Variants in ALK observed in about 807,000 individuals in gnomAD.
The protein encoded by ALK is ALK tyrosine kinase receptor.
A neutral mutation model predicts 163.1 loss-of-function variants in ALK; 74 were observed. The ratio of observed to expected loss-of-function variants is 0.45; its 90% CI spans 0.38 to 0.55. The LOEUF (loss-of-function observed/expected upper bound fraction) is 0.55, where lower values mean the gene tolerates loss of function less well. ALK is among the 20% of genes least tolerant of loss of function. The probability of loss-of-function intolerance (pLI) is 0.00; values close to 1 mark genes in which losing one functional copy is unlikely to be tolerated. For missense variants in ALK, 2,063 were observed against 2,105.3 expected (o/e 0.98, Z 0.39); for synonymous variants, 960 against 843.2 (o/e 1.14, Z -2.40).
chr2:29,211,845 C>A (rs2148157261), intron 24 of ALK, among the ~76,000 whole-genome samples: 1 of 152,290 alleles, frequency 6.6e-6, no homozygotes, highest in Admixed American at 6.5e-5. Context: ...TGGTGTTTGA[C>A]AATTTAATTT....
At chr2:29,826,173 C>T (rs1665193099) in intron 1 of ALK, among the ~76,000 whole-genome samples, 1 of 152,136 alleles carries the variant, frequency 6.6e-6, no homozygotes. Flanking sequence ...GACACATAGA[C>T]CTGAGTTCTG....
chr2:29,347,864 G>C (rs980475651), intron 5 of ALK, among the ~76,000 whole-genome samples: 1 of 152,196 alleles, frequency 6.6e-6, no homozygotes, highest in Non-Finnish European at 1.5e-5. Context: ...ATGCATCAAA[G>C]TCATGCTTCT....
At chr2:29,435,038 C>T (rs1375573427) in intron 4 of ALK, among the ~76,000 whole-genome samples, 1 of 152,184 alleles carries the variant, frequency 6.6e-6, no homozygotes, top group Non-Finnish European at 1.5e-5. Flanking sequence ...TAGGTCAGGG[C>T]TGTTCATGAA....
chr2:29,687,447 T>C (rs1437844669), intron 3 of ALK, among the ~76,000 whole-genome samples: 1 of 151,970 alleles, frequency 6.6e-6, no homozygotes. Flanking sequence ...ACTGTGGTTG[T>C]GGCACAAAAT....
At chr2:29,584,188 A>C (rs1447544503) in intron 3 of ALK, among the ~76,000 whole-genome samples, 1 of 152,166 alleles carries the variant, frequency 6.6e-6, no homozygotes, top group Non-Finnish European at 1.5e-5. Context: ...TCTTTGAGTT[A>C]AATCTAGCAA....
At position 29,632,230 on chromosome 2, in the gene ALK, G is replaced by A. The variant is rs57569039; in HGVS notation, c.952+62620C>T. Among the ~76,000 whole-genome samples the A allele has an allele frequency of 4.2e-3, 636 of 152,280 alleles. 3 individuals are homozygous for A. The highest frequency in any genetic ancestry group is 0.014 in the African/African-American group (601 of 41,544). Reference sequence around the variant, plus strand: ...TGAGTGATACAGAAATAAACTGTGAGATGTGAGTAACAGCCAGGTTTTCCT... The same window carrying A: ...TGAGTGATACAGAAATAAACTGTGAAATGTGAGTAACAGCCAGGTTTTCCT... On this transcript the variant is annotated intron_variant, in intron 3 of 28. Coordinates refer to ENST00000389048, the MANE Select transcript of ALK (RefSeq NM_004304.5).
At chr2:29,439,106 A>C (rs578166340) in intron 4 of ALK, among the ~76,000 whole-genome samples, 1 of 152,328 alleles carries the variant, frequency 6.6e-6, no homozygotes, top group South Asian at 2.1e-4. Context: ...CTGAGAGTAC[A>C]CAGGTCCTTA....
intron 4 of ALK, among the ~76,000 whole-genome samples, chr2:29,388,917 G>T (rs565678372): frequency 6.6e-6 from 1 of 152,322 alleles, no homozygotes; most frequent in East Asian, 1.9e-4. Flanking sequence ...CCTACAAGAT[G>T]TATTAGGATT....
intron 3 of ALK, among the ~76,000 whole-genome samples, chr2:29,648,235 G>A (rs1248640723): frequency 6.6e-6 from 1 of 152,108 alleles, no homozygotes; most frequent in African/African-American, 2.4e-5. Flanking sequence ...TAAATAATTT[G>A]AAAAATCAGT....
intron 4 of ALK, among the ~76,000 whole-genome samples, chr2:29,527,692 T>C (rs556089887): frequency 1.7e-4 from 26 of 152,168 alleles, no homozygotes; most frequent in African/African-American, 6.3e-4. Context: ...TATATTTTTT[T>C]TGTAGAGGTT....
At chr2:29,653,305 G>C (rs1280533338) in intron 3 of ALK, among the ~76,000 whole-genome samples, 1 of 152,048 alleles carries the variant, frequency 6.6e-6, no homozygotes, top group Non-Finnish European at 1.5e-5. Flanking sequence ...AAATATTGAT[G>C]CTAAAGAGGG....
At chr2:29,720,053 T>C (rs1277516762) in intron 1 of ALK, among the ~76,000 whole-genome samples, 1 of 152,160 alleles carries the variant, frequency 6.6e-6, no homozygotes, top group Non-Finnish European at 1.5e-5. Flanking sequence ...GTCATTTTTC[T>C]GAACCATTCA....
chr2:29,447,875 T>G (rs1670725655), intron 4 of ALK, among the ~76,000 whole-genome samples: 2 of 152,208 alleles, frequency 1.3e-5, no homozygotes. Flanking sequence ...TCGGCAAAAT[T>G]TATTGCTTAA....
intron 1 of ALK, among the ~76,000 whole-genome samples, chr2:29,737,303 AT>A (rs1415976973): frequency 6.6e-6 from 1 of 152,048 alleles, no homozygotes; most frequent in South Asian, 2.1e-4. Flanking sequence ...TTATATTTGT[AT>A]TTTTTCATTA....
At position 29,918,532 on chromosome 2, in the gene ALK, A is replaced by G. The variant is rs145889475; in HGVS notation, c.667+1461T>C. ...AGTGCCTCTTAGGATGGTCTATATA[A>G]ATTCCAGCACTAAATGAAAAGGGCT... On this transcript the variant is annotated intron_variant, in intron 1 of 28. Coordinates refer to ENST00000389048, the MANE Select transcript of ALK (RefSeq NM_004304.5). Among the ~76,000 whole-genome samples, 781 of 152,218 alleles carry G rather than the reference A, an allele frequency of 5.1e-3. 7 individuals are homozygous for G. Among genetic ancestry groups the G allele is most frequent in the African/African-American group, 0.018 (735 of 41,548 alleles).
At chr2:29,577,431 G>A (rs1450201757) in intron 3 of ALK, among the ~76,000 whole-genome samples, 1 of 152,230 alleles carries the variant, frequency 6.6e-6, no homozygotes, top group Non-Finnish European at 1.5e-5. Flanking sequence ...TTAACGAGCA[G>A]TCTGAATGGT....
chr2:29,895,551 C>A (rs1398042926), intron 1 of ALK, among the ~76,000 whole-genome samples: 1 of 152,184 alleles, frequency 6.6e-6, no homozygotes, highest in Non-Finnish European at 1.5e-5. Flanking sequence ...CTTAACAACA[C>A]CAATGCCTTC....
chr2:29,200,863 A>ATG (rs1460738273), intron 26 of ALK, among the ~76,000 whole-genome samples: 26 of 148,562 alleles, frequency 1.8e-4, no homozygotes, highest in African/African-American at 4.4e-4. Flanking sequence ...ACGTATATAT[A>ATG]TGTGTATATA....
intron 11 of ALK, among the ~76,000 whole-genome samples, chr2:29,270,006 TC>T (rs1665338259): frequency 6.6e-6 from 1 of 152,126 alleles, no homozygotes; most frequent in Non-Finnish European, 1.5e-5. Context: ...AGAAGCCAGA[TC>T]CCTCTGGAAG....
Sources: gnomAD v4.1 joint callset for allele counts (sites outside exome capture counted in the v4.1 genomes callset) on GRCh38, gnomAD v4.1.1 for gene constraint, MANE v1.5 for transcripts, NCBI Gene and HGNC (gene_info 2026-07-23, HGNC 2026-07-21) for gene names.